The following AGO4 variants were observed in gnomAD, a reference collection of about 807,000 sequenced individuals.
AGO4 encodes protein argonaute-4.
A neutral mutation model predicts 104.7 loss-of-function variants in AGO4; 33 were observed. The ratio of observed to expected loss-of-function variants is 0.32; its 90% CI spans 0.24 to 0.42. AGO4 has a LOEUF of 0.42. Among genes scored for constraint, AGO4 ranks in the 10% least tolerant of loss-of-function variants. The pLI is 1.00. For synonymous variants in AGO4, 331 were observed against 364.7 expected (o/e 0.91, Z 1.05); for missense variants, 711 against 1,083.4 (o/e 0.66, Z 4.83).
intron 15 of AGO4, among the ~76,000 whole-genome samples, chr1:35,843,839 A>G (rs1468393890): frequency 6.6e-6 from 1 of 152,104 alleles, no homozygotes; most frequent in Non-Finnish European, 1.5e-5. Context: ...TTCCTAAACT[A>G]TCTATTAAGC....
chr1:35,846,338 C>T (rs1644571834), intron 15 of AGO4, among the ~76,000 whole-genome samples: 1 of 152,044 alleles, frequency 6.6e-6, no homozygotes, highest in South Asian at 2.1e-4. Context: ...TGGCTGACAC[C>T]TGTAATCCCA....
Position 35,808,330 on chromosome 1 carries a change from A to T in AGO4, c.-87A>T. 1 of 837,122 alleles carries T rather than the reference A, an allele frequency of 1.2e-6. No individual in the cohort carries two copies. The highest frequency in any genetic ancestry group is 1.4e-6 in the Non-Finnish European group (1 of 692,264). The allele number at this position is 837,122 out of a possible 1,614,324, so 51.9% of individuals were successfully genotyped here. A position where few individuals can be genotyped will look rare whatever the true frequency, so the allele number is the denominator to read the frequency against. On this transcript the variant is annotated 5_prime_UTR_variant, in exon 1 of 18. Coordinates refer to ENST00000373210, the MANE Select transcript of AGO4 (RefSeq NM_017629.4). This position sits in a 1 kb window ranked among gnomAD's most constrained non-coding sequence, Gnocchi z 5.2. ...CCCCAGCGCCAATATTCCGGAGATCAAGCGTTACGCGGCGGCGGCGGCGGC... is the reference window on the plus strand; with the variant it reads ...CCCCAGCGCCAATATTCCGGAGATCTAGCGTTACGCGGCGGCGGCGGCGGC...
intron 17 of AGO4, 130 bp downstream of exon 17, chr1:35,851,183 C>G: frequency 2.2e-6 from 2 of 899,636 alleles, no homozygotes; most frequent in Non-Finnish European, 1.7e-6. Flanking sequence ...AATAAAATTG[C>G]ATGTGCCTCT....
At chr1:35,818,658 A>AAAGAAAGAAAGG (rs1553144552) in intron 2 of AGO4, among the ~76,000 whole-genome samples, 3 of 61,510 alleles carry the variant, frequency 4.9e-5, no homozygotes, top group African/African-American at 1.1e-4. Context: ...AGAAAGAAAG[A>AAAGAAAGAAAGG]AAGGAAGAAA....
intron 12 of AGO4, 49 bp downstream of exon 12, chr1:35,834,223 A>G (rs767064805): frequency 2.2e-5 from 31 of 1,425,340 alleles, no homozygotes; most frequent in Non-Finnish European, 2.7e-5. Context: ...AGCAGTAGAT[A>G]TAACAGTCAG....
intron 12 of AGO4, among the ~76,000 whole-genome samples, chr1:35,835,032 G>T (rs1322727984): frequency 3.2e-5 from 3 of 93,600 alleles, no homozygotes; most frequent in Non-Finnish European, 4.9e-5. Context: ...TTTTTTTGAG[G>T]CAGGGTCCTG....
rs1227653595 is a variant in AGO4, at chr1:35,841,305, G to A, written c.1865G>A (p.Arg622Gln). 9 of 1,614,126 alleles carry A rather than the reference G, an allele frequency of 5.6e-6. No homozygotes were observed. The highest frequency in any genetic ancestry group is 1.7e-4 in the Middle Eastern group (1 of 6,060). The change falls in exon 14 of 18, where the codon CGG becomes CAG. Residue 622 changes from arginine (R) to glutamine (Q), a missense_variant. Physicochemically the swap from Arg to Gln is conservative, Grantham distance 43. Coordinates refer to ENST00000373210, the MANE Select transcript of AGO4 (RefSeq NM_017629.4). The surrounding 1 kb of genome is among the most constrained non-coding windows in gnomAD (Gnocchi z 4.7). ...CCCAGCCGGTACTGTGCCACCGTTC[G>A]GGTGCAGACTTCCCGGCAGGAGATC... ...GHPSRYCATV[R>Q]VQTSRQEISQ... is the part of the protein sequence containing the mutation.
At chr1:35,845,361 C>A (rs1644547605) in intron 15 of AGO4, among the ~76,000 whole-genome samples, 1 of 151,822 alleles carries the variant, frequency 6.6e-6, no homozygotes, top group Non-Finnish European at 1.5e-5. Flanking sequence ...GCGCATATCA[C>A]CATGCCCAGC....
chr1:35,853,347 C>A (rs1644751709), intron 17 of AGO4, 150 bp from the exon 18 acceptor site: 1 of 443,858 alleles, frequency 2.3e-6, no homozygotes, highest in South Asian at 4.4e-5. Context: ...CTAAGATATT[C>A]TAGAATCTAG....
intron 2 of AGO4, 37 bp downstream of exon 2, chr1:35,817,084 G>A (rs760686842): frequency 1.9e-6 from 3 of 1,540,356 alleles, no homozygotes; most frequent in South Asian, 2.4e-5. Flanking sequence ...GTATATTTAA[G>A]TGCATATAAT....
chr1:35,846,281 T>C (rs928214927), intron 15 of AGO4, among the ~76,000 whole-genome samples: 6 of 151,996 alleles, frequency 3.9e-5, no homozygotes, highest in African/African-American at 1.4e-4. Context: ...CCATTTCCAG[T>C]CCCTCCATAC....
rs1644665506 is a variant in AGO4, at chr1:35,850,135, T to C, written c.2176-22T>C. ...ACAGTTTGGCACTTTGATGACTAAT[T>C]ACTTTTTTTTGTTTTTTGTAGGTAG... is the stretch of plus-strand genomic sequence containing the variant. On this transcript the variant is annotated intron_variant, in intron 15 of 17. Coordinates refer to ENST00000373210, the MANE Select transcript of AGO4 (RefSeq NM_017629.4). 5.2e-6 allele frequency: 8 copies of C among 1,538,438 alleles called. No individual in the cohort carries two copies. In the South Asian group the frequency reaches 9.7e-5, roughly 19 times the overall value.
Position 35,808,572 on chromosome 1 carries a change from G to A in AGO4, c.19+137G>A, listed in dbSNP as rs978415527. Reference sequence around the variant, plus strand: ...GAAGGGGACCCGAGCCCCGCAGCACGAAGCGGAGGGAGCTGACCCGGGCCT... The same window carrying A: ...GAAGGGGACCCGAGCCCCGCAGCACAAAGCGGAGGGAGCTGACCCGGGCCT... On this transcript the variant is annotated intron_variant, in intron 1 of 17. Transcript: ENST00000373210. This position sits in a 1 kb window ranked among gnomAD's most constrained non-coding sequence, Gnocchi z 5.2. 8 of 794,804 alleles carry A rather than the reference G, an allele frequency of 1.0e-5. No individual in the cohort carries two copies. The highest frequency in any genetic ancestry group is 6.5e-5 in the East Asian group (1 of 15,374). 49.2% of individuals were successfully genotyped at this position (794,804 alleles called of 1,614,324 possible). A position where few individuals can be genotyped will look rare whatever the true frequency, so the allele number is the denominator to read the frequency against.
At position 35,825,716 on chromosome 1, in the gene AGO4, G is replaced by C. The variant is rs374925290; in HGVS notation, c.526G>C (p.Glu176Gln). 132 of 1,581,366 alleles carry C rather than the reference G, an allele frequency of 8.3e-5. No homozygotes were observed. The highest frequency in any genetic ancestry group is 1.1e-4 in the Non-Finnish European group (128 of 1,168,672). ...GGGCCGTTCCTTTTTCTCACCCCCGGAAGGTTACTACCACCCTCTGGGAGG... is the reference window on the plus strand; with the variant it reads ...GGGCCGTTCCTTTTTCTCACCCCCGCAAGGTTACTACCACCCTCTGGGAGG... ...PVGRSFFSPP[E>Q]GYYHPLGGGR... Residue 176 changes from glutamate (E) to glutamine (Q), a missense_variant, in exon 5 of 18, where the codon GAA becomes CAA. Around this residue, in one of 3 missense-constraint regions of AGO4, gnomAD observed 308 missense variants for 397.8 expected, o/e 0.77. Coordinates refer to ENST00000373210, the MANE Select transcript of AGO4 (RefSeq NM_017629.4).
chr1:35,857,462 A>T lies in AGO4; in HGVS notation c.*3857A>T, dbSNP rs757993639. Reference sequence around the variant, plus strand: ...TTGTTTCTATATTATTAGACCTGTAATGTTTTAAAATGTATTTTATTAAAT... The same window carrying T: ...TTGTTTCTATATTATTAGACCTGTATTGTTTTAAAATGTATTTTATTAAAT... On this transcript the variant is annotated 3_prime_UTR_variant, in exon 18 of 18. Coordinates refer to ENST00000373210, the MANE Select transcript of AGO4 (RefSeq NM_017629.4). 2 of 152,262 alleles carry T rather than the reference A, an allele frequency of 1.3e-5. No individual in the cohort carries two copies. The highest frequency in any genetic ancestry group is 6.8e-3 in the Middle Eastern group (2 of 294). The allele number at this position is 152,262 out of a possible 1,614,324, so 9.4% of individuals were successfully genotyped here.
At position 35,855,725 on chromosome 1, in the gene AGO4, G is replaced by C. The variant is rs1644803661; in HGVS notation, c.*2120G>C. On this transcript the variant is annotated 3_prime_UTR_variant, in exon 18 of 18. Coordinates refer to ENST00000373210, the MANE Select transcript of AGO4 (RefSeq NM_017629.4). ...AGGACATGTTGGTGAGGGGCTGGCT[G>C]CTTGGCTGCTGCTTTTATTCACACT... 1 of 148,716 alleles carries C rather than the reference G, an allele frequency of 6.7e-6. No homozygotes were observed. Among genetic ancestry groups the C allele is most frequent in the Non-Finnish European group, 1.5e-5 (1 of 67,746 alleles). The allele number at this position is 148,716 out of a possible 1,614,324, so 9.2% of individuals were successfully genotyped here.
In AGO4 at chr1:35,808,413, C is replaced by T. The variant is rs1224273068; in HGVS notation, c.-4C>T. The T allele has an allele frequency of 1.7e-6, 2 of 1,149,618 alleles. No homozygotes were observed. Among genetic ancestry groups the T allele is most frequent in the Admixed American group, 9.6e-5 (2 of 20,784 alleles). 71.2% of individuals were successfully genotyped at this position (1,149,618 alleles called of 1,614,324 possible). A position where few individuals can be genotyped will look rare whatever the true frequency, so the allele number is the denominator to read the frequency against. On this transcript the variant is annotated 5_prime_UTR_variant, in exon 1 of 18. Transcript: ENST00000373210. This position sits in a 1 kb window ranked among gnomAD's most constrained non-coding sequence, Gnocchi z 5.2. ...ACCGGGGCGAGGCGGCCCCCGCCGC[C>T]GCCATGGAGGCGCTGGGACCCGGTG...
chr1:35,844,035 T>G (rs772730303), intron 15 of AGO4, among the ~76,000 whole-genome samples: 3 of 152,074 alleles, frequency 2.0e-5, no homozygotes, highest in Non-Finnish European at 2.9e-5. Flanking sequence ...GGGGGAAAAG[T>G]GGTGGATTTT....
intron 15 of AGO4, among the ~76,000 whole-genome samples, chr1:35,844,264 G>A (rs1385474844): frequency 6.6e-6 from 1 of 152,092 alleles, no homozygotes; most frequent in Non-Finnish European, 1.5e-5. Context: ...GGCTGATCTT[G>A]AACTCTTGGG....
Sources: gnomAD v4.1 joint callset for allele counts (sites outside exome capture counted in the v4.1 genomes callset) on GRCh38, gnomAD v4.1.1 for gene constraint, gnomAD v4.1.1 regional missense constraint, Gnocchi (gnomAD v3.1) non-coding constraint, MANE v1.5 for transcripts, NCBI Gene and HGNC (gene_info 2026-07-23, HGNC 2026-07-21) for gene names.